The following TUBA1C variants were observed in gnomAD, a reference collection of about 807,000 sequenced individuals.
TUBA1C encodes tubulin alpha 1c, also known as tubulin alpha-1C chain.
Under a neutral mutation model 34.9 loss-of-function variants are expected in TUBA1C, and 16 were observed. That is an observed-to-expected ratio of 0.46 (90% CI 0.31 to 0.70). TUBA1C has a LOEUF of 0.70. TUBA1C is among the 30% of genes least tolerant of loss of function. The pLI, the probability that TUBA1C is intolerant of heterozygous loss-of-function variation, is 0.05. For synonymous variants in TUBA1C, 177 were observed against 215.9 expected, an observed-to-expected ratio of 0.82 and a Z score of 1.58; for missense variants, 329 against 587.3, an observed-to-expected ratio of 0.56 and a Z score of 4.55.
intron 1 of TUBA1C, among the ~76,000 whole-genome samples, chr12:49,242,345 A>G (rs997683489): frequency 2.6e-5 from 4 of 152,176 alleles, no homozygotes; most frequent in Non-Finnish European, 5.9e-5. Flanking sequence ...TGTGGTTTGG[A>G]GCCACAGATC....
chr12:49,254,941 C>G (rs1942768112), intron 1 of TUBA1C, among the ~76,000 whole-genome samples: 1 of 151,936 alleles, frequency 6.6e-6, no homozygotes, highest in South Asian at 2.1e-4. Flanking sequence ...AGGCAAAACA[C>G]ATATATTTTT....
At chr12:49,270,994 CA>C (rs1407561187) in intron 3 of TUBA1C, among the ~76,000 whole-genome samples, 1 of 145,954 alleles carries the variant, frequency 6.9e-6, no homozygotes, top group Non-Finnish European at 1.5e-5. Context: ...AACAAACAAA[CA>C]AAAAAAACCC....
chr12:49,247,223 G>C, intron 1 of TUBA1C, among the ~76,000 whole-genome samples: 1 of 151,984 alleles, frequency 6.6e-6, no homozygotes, highest in Admixed American at 6.6e-5. Context: ...CCTCAGAGGG[G>C]AGACAGAGCT....
At chr12:49,260,635 T>C (rs1192328560), upstream of TUBA1C, among the ~76,000 whole-genome samples, 1 of 152,192 alleles carries the variant, frequency 6.6e-6, no homozygotes, top group Non-Finnish European at 1.5e-5. Context: ...GTTTTTCCCA[T>C]AAAATAAAAT....
chr12:49,272,000 C>T (rs1388211263), intron 3 of TUBA1C, among the ~76,000 whole-genome samples: 2 of 149,294 alleles, frequency 1.3e-5, no homozygotes, highest in Non-Finnish European at 3.0e-5. Flanking sequence ...ACAGGGTCTG[C>T]TCTGTCATCC....
chr12:49,265,115 T>TA lies in TUBA1C; in HGVS notation c.-66dup, dbSNP rs1354228732. The TA allele has an allele frequency of 1.1e-4, 173 of 1,580,170 alleles. No individual in the cohort carries two copies. The highest frequency in any genetic ancestry group is 1.5e-4 in the Non-Finnish European group (169 of 1,158,612). ...TCCCCCGGACTCCTTGGTAGTCTGT[T>TA]AGTGGGAGATCCTTGTTGCCGTCCC... On this transcript the variant is annotated 5_prime_UTR_variant, in exon 1 of 4. Coordinates refer to ENST00000301072, the MANE Select transcript of TUBA1C (RefSeq NM_032704.5).
intron 1 of TUBA1C, among the ~76,000 whole-genome samples, chr12:49,267,065 G>A (rs1261758920): frequency 6.6e-6 from 1 of 152,160 alleles, no homozygotes; most frequent in Non-Finnish European, 1.5e-5. Flanking sequence ...TGCTTATCCA[G>A]TTAACACTAG....
chr12:49,256,668 G>T (rs1005902856), intron 1 of TUBA1C, among the ~76,000 whole-genome samples: 6 of 152,152 alleles, frequency 3.9e-5, no homozygotes, highest in African/African-American at 1.4e-4. Context: ...TAAGGAAAAA[G>T]GTATATGGAC....
chr12:49,254,945 T>C (rs1041418574), intron 1 of TUBA1C, among the ~76,000 whole-genome samples: 16 of 151,910 alleles, frequency 1.1e-4, no homozygotes, highest in African/African-American at 3.6e-4. Context: ...AAAACACATA[T>C]ATTTTTTTTT....
chr12:49,243,734 G>A (rs1232564116), intron 1 of TUBA1C, among the ~76,000 whole-genome samples: 1 of 152,060 alleles, frequency 6.6e-6, no homozygotes, highest in Non-Finnish European at 1.5e-5. Flanking sequence ...ACTTGGGAAG[G>A]GGAGGCTGGA....
intron 1 of TUBA1C, among the ~76,000 whole-genome samples, chr12:49,236,683 T>C (rs1942558571): frequency 6.6e-6 from 1 of 152,152 alleles, no homozygotes; most frequent in South Asian, 2.1e-4. Flanking sequence ...AAACATAGAG[T>C]GCACATACAC....
chr12:49,237,749 AGAG>A (rs1185932890), intron 1 of TUBA1C, among the ~76,000 whole-genome samples: 3 of 142,682 alleles, frequency 2.1e-5, no homozygotes, highest in African/African-American at 5.7e-5. Context: ...AAAAAAAAAA[AGAG>A]AGAGAGAGAA....
chr12:49,232,704 T>C (rs906134115), intron 1 of TUBA1C: 1 of 152,200 alleles, frequency 6.6e-6, no homozygotes, highest in South Asian at 2.1e-4. Flanking sequence ...CAGTAACTTA[T>C]ACTTCTGTGA....
chr12:49,240,881 C>T (rs553912224), intron 1 of TUBA1C, among the ~76,000 whole-genome samples: 1 of 152,226 alleles, frequency 6.6e-6, no homozygotes, highest in African/African-American at 2.4e-5. Context: ...CAGGCATTAG[C>T]CACTGCCCCC....
At chr12:49,263,787 G>T (rs555725634), upstream of TUBA1C, among the ~76,000 whole-genome samples, 1 of 152,354 alleles carries the variant, frequency 6.6e-6, no homozygotes, top group South Asian at 2.1e-4. Flanking sequence ...GATGGTCAGA[G>T]AGGCACATTT....
intron 1 of TUBA1C, among the ~76,000 whole-genome samples, chr12:49,247,251 C>A (rs1207572547): frequency 6.6e-6 from 1 of 151,642 alleles, no homozygotes; most frequent in African/African-American, 2.4e-5. Flanking sequence ...TTAGCCCAGG[C>A]AAGTCACTAA....
chr12:49,232,695 A>G (rs2136985488), intron 1 of TUBA1C: 1 of 152,342 alleles, frequency 6.6e-6, no homozygotes, highest in Admixed American at 6.5e-5. Context: ...ATATCTGCTC[A>G]GTAACTTATA....
intron 1 of TUBA1C, among the ~76,000 whole-genome samples, chr12:49,231,127 G>A (rs750326634): frequency 4.6e-5 from 7 of 152,128 alleles, no homozygotes; most frequent in Non-Finnish European, 7.4e-5. Context: ...TAATCTCAGA[G>A]CACAGCTGTT....
intron 1 of TUBA1C, among the ~76,000 whole-genome samples, chr12:49,249,754 G>A (rs907042658): frequency 1.3e-5 from 2 of 150,994 alleles, no homozygotes; most frequent in South Asian, 2.1e-4. Context: ...CCAGTTACTC[G>A]GGTGGGGATG....
Sources: allele counts gnomAD v4.1 joint callset (sites outside exome capture counted in the v4.1 genomes callset), GRCh38; gene constraint gnomAD v4.1.1; transcripts MANE v1.5; gene names NCBI Gene and HGNC (gene_info 2026-07-23, HGNC 2026-07-21).